SAMD4A: variants seen among roughly 807,000 people sequenced by gnomAD.
The protein encoded by SAMD4A is protein Smaug homolog 1.
Under a neutral mutation model 81.3 loss-of-function variants are expected in SAMD4A, and 33 were observed. That is an observed-to-expected ratio of 0.41 (90% CI 0.31 to 0.54). The LOEUF (loss-of-function observed/expected upper bound fraction) is 0.54. Ranked by LOEUF, SAMD4A falls within the 20% of genes least tolerant of loss-of-function variation. The pLI, the probability that SAMD4A is intolerant of heterozygous loss-of-function variation, is 0.37. For synonymous variants in SAMD4A, 389 were observed against 382.1 expected (o/e 1.02, Z -0.21); for missense variants, 854 against 951.1 (o/e 0.90, Z 1.34).
At chr14:54,746,208 C>G (rs1398918987) in intron 4 of SAMD4A, among the ~76,000 whole-genome samples, 1 of 152,208 alleles carries the variant, frequency 6.6e-6, no homozygotes, top group Admixed American at 6.5e-5. Flanking sequence ...AGGCTATGTT[C>G]TTAAGAACTG....
At chr14:54,666,556 A>C (rs1177075069) in intron 2 of SAMD4A, among the ~76,000 whole-genome samples, 1 of 152,230 alleles carries the variant, frequency 6.6e-6, no homozygotes. Context: ...TGCGCATTTC[A>C]AACCCTTGTT....
chr14:54,731,613 A>G (rs1308724649), intron 3 of SAMD4A, among the ~76,000 whole-genome samples: 1 of 152,248 alleles, frequency 6.6e-6, no homozygotes, highest in Non-Finnish European at 1.5e-5. Context: ...GGATTGAATT[A>G]TATCATGTGA....
At position 54,760,673 on chromosome 14, in the gene SAMD4A, C is replaced by T. The variant is rs572866440; in HGVS notation, c.1510+179C>T. Among the ~76,000 whole-genome samples the T allele has an allele frequency of 4.6e-5, 7 of 152,330 alleles. No homozygotes were observed. In the East Asian group the frequency reaches 1.3e-3, roughly 29 times the overall value. The stretch of plus-strand genomic sequence containing the variant: ...GGTTAAGCCTTTTGGGTTTGAACTG[C>T]AATCACTGTGACCCCAGGAGACCTA... On this transcript the variant is annotated intron_variant, in intron 7 of 12. Transcript: ENST00000554335.
chr14:54,678,158 CAGTTGTGCAGA>C (rs1217026713), intron 2 of SAMD4A, among the ~76,000 whole-genome samples: 17 of 152,276 alleles, frequency 1.1e-4, no homozygotes, highest in Middle Eastern at 3.4e-3. Flanking sequence ...AAAGAATGCA[CAGTTGTGCAGA>C]AGTATGATTG....
chr14:54,589,406 T>C (rs2033714437), intron 2 of SAMD4A, among the ~76,000 whole-genome samples: 1 of 152,222 alleles, frequency 6.6e-6, no homozygotes, highest in South Asian at 2.1e-4. Flanking sequence ...ATATTTTGGT[T>C]GGATTTTCCA....
chr14:54,762,559 G>A (rs2038428309), intron 7 of SAMD4A, among the ~76,000 whole-genome samples: 1 of 152,110 alleles, frequency 6.6e-6, no homozygotes, highest in African/African-American at 2.4e-5. Flanking sequence ...CATGGGTGAA[G>A]ACACAGCTCT....
intron 2 of SAMD4A, among the ~76,000 whole-genome samples, chr14:54,584,371 C>T (rs2140156652): frequency 6.6e-6 from 1 of 152,288 alleles, no homozygotes; most frequent in South Asian, 2.1e-4. Flanking sequence ...CATAAAACAT[C>T]AGCGTCTTTT....
intron 2 of SAMD4A, among the ~76,000 whole-genome samples, chr14:54,692,330 C>T (rs1260709252): frequency 6.6e-6 from 1 of 152,184 alleles, no homozygotes; most frequent in Non-Finnish European, 1.5e-5. Context: ...CTGAATTAAG[C>T]ATGAACTATT....
intron 3 of SAMD4A, among the ~76,000 whole-genome samples, chr14:54,736,095 C>G (rs1249841104): frequency 6.6e-6 from 1 of 152,202 alleles, no homozygotes; most frequent in Admixed American, 6.5e-5. Context: ...GAAAAACCAA[C>G]CAAGGGTAAC....
At chr14:54,741,005 CTT>C in intron 4 of SAMD4A, among the ~76,000 whole-genome samples, 1 of 152,350 alleles carries the variant, frequency 6.6e-6, no homozygotes, top group Non-Finnish European at 1.5e-5. Flanking sequence ...GAAATAGGAA[CTT>C]TCTTCCCTTT....
chr14:54,620,064 A>G (rs558543757), intron 2 of SAMD4A, among the ~76,000 whole-genome samples: 6 of 151,856 alleles, frequency 4.0e-5, no homozygotes, highest in African/African-American at 1.5e-4. Flanking sequence ...ACTGATGGCT[A>G]CTCTTGGGTG....
At chr14:54,688,669 TAAAA>T (rs915342599) in intron 2 of SAMD4A, among the ~76,000 whole-genome samples, 3 of 151,604 alleles carry the variant, frequency 2.0e-5, no homozygotes, top group South Asian at 4.2e-4. Flanking sequence ...ATTGTTGACT[TAAAA>T]AAAAATCCAA....
chr14:54,784,688 C>A, intron 12 of SAMD4A, 68 bp downstream of exon 12: 2 of 1,383,694 alleles, frequency 1.4e-6, no homozygotes, highest in Non-Finnish European at 1.0e-6. Flanking sequence ...TGGCCATCTG[C>A]TGTCTATACC....
chr14:54,760,129 C>T, intron 6 of SAMD4A, 32 bp from the exon 7 acceptor site: 2 of 1,600,698 alleles, frequency 1.2e-6, no homozygotes, highest in Non-Finnish European at 1.7e-6. Flanking sequence ...ATTCCTGAGC[C>T]TAACAGAGGT....
In SAMD4A at chr14:54,756,427, G is replaced by A. The variant is rs138494367; in HGVS notation, c.1177-3734G>A. Among the ~76,000 whole-genome samples, 269 of 152,280 alleles carry A rather than the reference G, an allele frequency of 1.8e-3. 1 individual carries two copies. The highest frequency in any genetic ancestry group is 6.2e-3 in the African/African-American group (257 of 41,554). ...TTATCCTTTCCTGAAACATGCAGTGGTGGTCAGGGATCCCTCTTATATGTT... is the reference window on the plus strand; with the variant it reads ...TTATCCTTTCCTGAAACATGCAGTGATGGTCAGGGATCCCTCTTATATGTT... On this transcript the variant is annotated intron_variant, in intron 6 of 12. Coordinates refer to ENST00000554335, the MANE Select transcript of SAMD4A (RefSeq NM_015589.6).
intron 3 of SAMD4A, among the ~76,000 whole-genome samples, chr14:54,722,191 G>A (rs971387770): frequency 6.6e-6 from 1 of 152,140 alleles, no homozygotes; most frequent in Non-Finnish European, 1.5e-5. Flanking sequence ...CAGTCCCTCT[G>A]ACCAGTTAGG....
At chr14:54,720,191 T>C (rs374776338) in intron 3 of SAMD4A, among the ~76,000 whole-genome samples, 1 of 152,306 alleles carries the variant, frequency 6.6e-6, no homozygotes, top group East Asian at 1.9e-4. Flanking sequence ...TTTGTCTTTT[T>C]AAGGTTCCTT....
chr14:54,691,972 A>G (rs1441525865), intron 2 of SAMD4A, among the ~76,000 whole-genome samples: 2 of 152,240 alleles, frequency 1.3e-5, no homozygotes, highest in African/African-American at 4.8e-5. Flanking sequence ...TGAGTGATAC[A>G]TACATTTTAC....
intron 6 of SAMD4A, among the ~76,000 whole-genome samples, chr14:54,754,584 C>T (rs550538185): frequency 2.0e-5 from 3 of 152,286 alleles, no homozygotes; most frequent in Non-Finnish European, 4.4e-5. Flanking sequence ...TCCTGCTTTG[C>T]AAGGGAGTGA....
Sources: gnomAD v4.1 joint callset for allele counts (sites outside exome capture counted in the v4.1 genomes callset) on GRCh38, gnomAD v4.1.1 for gene constraint, MANE v1.5 for transcripts, NCBI Gene and HGNC (gene_info 2026-07-23, HGNC 2026-07-21) for gene names.